Variants in RRN3 observed in about 807,000 individuals in gnomAD.
The protein encoded by RRN3 is RNA polymerase I transcription factor RRN3, also known as RNA polymerase I-specific transcription initiation factor RRN3.
RRN3 carries 38 observed loss-of-function variants against 82.3 expected under a neutral mutation model. That is an observed-to-expected ratio of 0.46 (90% CI 0.36 to 0.61). RRN3 has a LOEUF of 0.61. Ranked by LOEUF, RRN3 falls within the 20% of genes least tolerant of loss-of-function variation. The pLI, the probability that RRN3 is intolerant of heterozygous loss-of-function variation, is 0.00. For missense variants in RRN3, 726 were observed against 793.1 expected (o/e 0.92, Z 1.02); for synonymous variants, 284 against 284.3 (o/e 1.00, Z 0.01).
Position 15,061,867 on chromosome 16 carries a change from G to A in RRN3, c.1833C>T (p.Gly611=), listed in dbSNP as rs781410197. The A allele has an allele frequency of 4.3e-6, 7 of 1,613,410 alleles. No homozygotes were observed. Among genetic ancestry groups the A allele is most frequent in the South Asian group, 1.1e-5 (1 of 91,070 alleles). ...TCACGGTATCATTCTGGGGCACTTC[G>A]CCTTTCAGAAAGTCATCATCTTCAT... ...VEDEDDDFLK[G]EVPQNDTVIG... The change falls in exon 18 of 18, where the codon GGC becomes GGT. Residue 611 remains glycine, a synonymous_variant. Coordinates refer to ENST00000198767, the MANE Select transcript of RRN3 (RefSeq NM_018427.5).
chr16:15,074,687 G>A, intron 11 of RRN3, 36 bp downstream of exon 11: 2 of 1,548,704 alleles, frequency 1.3e-6, no homozygotes, highest in Admixed American at 1.8e-5. Context: ...CAGGTACACT[G>A]CAGGTGTTCA....
At chr16:15,081,440 T>C (rs1043017636) in intron 8 of RRN3, among the ~76,000 whole-genome samples, 2 of 152,306 alleles carry the variant, frequency 1.3e-5, no homozygotes, top group African/African-American at 4.8e-5. Context: ...GTGAAATCAT[T>C]TCCCTGATGG....
intron 10 of RRN3, among the ~76,000 whole-genome samples, chr16:15,075,900 G>A (rs2045433279): frequency 6.6e-6 from 1 of 152,082 alleles, no homozygotes; most frequent in Non-Finnish European, 1.5e-5. Context: ...GAGCTGCCCT[G>A]AGCAGAAAGG....
At chr16:15,094,104 T>C (rs2046253088) in intron 1 of RRN3, 41 bp downstream of exon 1, 1 of 1,539,890 alleles carries the variant, frequency 6.5e-7, no homozygotes, top group Non-Finnish European at 8.8e-7. Flanking sequence ...CGTCCTGAGC[T>C]TTCGTCCCAG....
At chr16:15,072,588 T>A (rs2941257) in intron 12 of RRN3, among the ~76,000 whole-genome samples, 97 of 151,814 alleles carry the variant, frequency 6.4e-4, no homozygotes, top group Middle Eastern at 3.4e-3. Context: ...AGATCACTTG[T>A]GGTCAGGAGT....
At chr16:15,080,226 T>C in intron 8 of RRN3, 130 bp from the exon 9 acceptor site, 1 of 1,116,102 alleles carries the variant, frequency 9.0e-7, no homozygotes, top group Non-Finnish European at 1.2e-6. Flanking sequence ...TATCCAGCAA[T>C]ACAAAAACTA....
intron 9 of RRN3, among the ~76,000 whole-genome samples, chr16:15,076,977 TCA>T (rs1468896253): frequency 1.6e-4 from 15 of 93,164 alleles, no homozygotes; most frequent in Non-Finnish European, 2.6e-4. Context: ...CCCACCCAAA[TCA>T]CTTTTTTTTT....
Position 15,063,214 on chromosome 16 carries a change from G to C in RRN3, c.1776C>G (p.Phe592Leu). 6.2e-7 allele frequency: 1 copy of C among 1,611,308 alleles called. No individual in the cohort carries two copies. The highest frequency in any genetic ancestry group is 1.1e-5 in the South Asian group (1 of 91,026). Residue 592 changes from phenylalanine (F) to leucine (L), a missense_variant, in exon 17 of 18, where the codon TTC (phenylalanine) becomes TTG (leucine). This residue lies in a region of RRN3 where 166 missense variants were observed against 154.8 expected (regional missense o/e 1.07). Transcript: ENST00000198767. ...EDMSAEELQE[F>L]KKPMKKDIVE... ...AACTGACCTTTTTCATGGGTTTCTT[G>C]AACTCCTGTAGCTCTTCAGCACTCA... is the stretch of plus-strand genomic sequence containing the variant.
At chr16:15,074,195 C>T (rs2045354756) in intron 11 of RRN3, among the ~76,000 whole-genome samples, 1 of 152,154 alleles carries the variant, frequency 6.6e-6, no homozygotes, top group African/African-American at 2.4e-5. Context: ...AACAGTAATG[C>T]AGTCAACTCA....
intron 3 of RRN3, among the ~76,000 whole-genome samples, chr16:15,087,122 A>G (rs2045940907): frequency 6.6e-6 from 1 of 152,198 alleles, no homozygotes; most frequent in Admixed American, 6.5e-5. Context: ...AATTATATTC[A>G]TGCATATATA....
chr16:15,060,177 C>T lies in RRN3; in HGVS notation c.*1567G>A, dbSNP rs1185302685. 4.7e-6 allele frequency: 2 copies of T among 422,382 alleles called. No homozygotes were observed. The highest frequency in any genetic ancestry group is 5.4e-5 in the Admixed American group (2 of 37,238). 26.2% of individuals were successfully genotyped at this position (422,382 alleles called of 1,614,324 possible). A position where few individuals can be genotyped will look rare whatever the true frequency, so the allele number is the denominator to read the frequency against. On this transcript the variant is annotated 3_prime_UTR_variant, in exon 18 of 18. Coordinates refer to ENST00000198767, the MANE Select transcript of RRN3 (RefSeq NM_018427.5). The stretch of plus-strand genomic sequence containing the variant: ...TAAATGTCTTTCTACATTAAAACTA[C>T]TTCCCAACCCACAAAGACCCCACTT...
At chr16:15,074,960 A>G (rs2045388897) in intron 10 of RRN3, 99 bp from the exon 11 acceptor site, 1 of 1,239,174 alleles carries the variant, frequency 8.1e-7, no homozygotes, top group Non-Finnish European at 1.1e-6. Flanking sequence ...TAAAAGATAA[A>G]ACAAAGAGGC....
chr16:15,091,709 T>C (rs1006727617), intron 2 of RRN3, among the ~76,000 whole-genome samples: 4 of 152,174 alleles, frequency 2.6e-5, no homozygotes, highest in Non-Finnish European at 4.4e-5. Flanking sequence ...TAAAAAAGTA[T>C]TCACTCAAAT....
At chr16:15,088,547 C>A (rs1434212457) in intron 3 of RRN3, among the ~76,000 whole-genome samples, 10 of 151,964 alleles carry the variant, frequency 6.6e-5, no homozygotes, top group Non-Finnish European at 1.5e-4. Flanking sequence ...AGAATGAGAA[C>A]TGCTGATACA....
chr16:15,061,675 C>G lies in RRN3; in HGVS notation c.*69G>C, dbSNP rs2044715639. 1 of 1,476,702 alleles carries G rather than the reference C, an allele frequency of 6.8e-7. No individual in the cohort carries two copies. 91.5% of individuals were successfully genotyped at this position (1,476,702 alleles called of 1,614,324 possible). On this transcript the variant is annotated 3_prime_UTR_variant, in exon 18 of 18. Transcript: ENST00000198767. ...TGCCATCAATGCCCAATGGCACAAG[C>G]TGGGTGCTGAGGGCATGACAAGTGA...
At chr16:15,085,719 T>C in intron 5 of RRN3, 21 bp from the exon 6 acceptor site, 1 of 1,612,452 alleles carries the variant, frequency 6.2e-7, no homozygotes. Context: ...AAAAAGAAAA[T>C]ATGTTATTCT....
chr16:15,094,108 G>C (rs768386879), intron 1 of RRN3, 37 bp downstream of exon 1: 26 of 1,546,668 alleles, frequency 1.7e-5, no homozygotes, highest in Non-Finnish European at 2.2e-5. Flanking sequence ...CTGAGCTTTC[G>C]TCCCAGATAC....
At chr16:15,082,775 A>C (rs535935306) in intron 8 of RRN3, among the ~76,000 whole-genome samples, 1 of 152,260 alleles carries the variant, frequency 6.6e-6, no homozygotes, top group South Asian at 2.1e-4. Context: ...GTTTTCTACT[A>C]AGGCAACCAC....
chr16:15,092,446 A>G (rs2046171898), intron 2 of RRN3, 63 bp downstream of exon 2: 5 of 961,758 alleles, frequency 5.2e-6, no homozygotes, highest in South Asian at 1.3e-5. Flanking sequence ...GGTCTTTAGT[A>G]TAACAGCAAT....
Sources: gnomAD v4.1 joint callset for allele counts (sites outside exome capture counted in the v4.1 genomes callset) on GRCh38, gnomAD v4.1.1 for gene constraint, gnomAD v4.1.1 regional missense constraint, MANE v1.5 for transcripts, NCBI Gene and HGNC (gene_info 2026-07-23, HGNC 2026-07-21) for gene names.